ENDOD1: variants seen among roughly 807,000 people sequenced by gnomAD.
ENDOD1 encodes endonuclease domain-containing 1 protein.
A neutral mutation model predicts 6.5 loss-of-function variants in ENDOD1; 9 were observed. The observed-to-expected ratio is 1.39, with a 90% CI of 0.84 to 2.43. The LOEUF is 2.43. Among genes scored for constraint, ENDOD1 ranks in the 30% most tolerant of loss-of-function variants. The pLI is 0.00. For missense variants in ENDOD1, 648 were observed against 635.5 expected (o/e 1.02, Z -0.21); for synonymous variants, 255 against 255.2 (o/e 1.00, Z 0.01).
At position 95,130,379 on chromosome 11, in the gene ENDOD1, G is replaced by C. The variant is rs993220076; in HGVS notation, c.*800G>C. 1 of 151,662 alleles carries C rather than the reference G, an allele frequency of 6.6e-6. No homozygotes were observed. The highest frequency in any genetic ancestry group is 6.6e-5 in the Admixed American group (1 of 15,206). 9.4% of individuals were successfully genotyped at this position (151,662 alleles called of 1,614,324 possible). A position where few individuals can be genotyped will look rare whatever the true frequency, so the allele number is the denominator to read the frequency against. On this transcript the variant is annotated 3_prime_UTR_variant, in exon 2 of 2. Transcript: ENST00000278505. ...ATACAGTCCTCTCCGGTGGAAAGAAGAGAAGAGAAGGTGGACAGCCCTGCT... is the reference window on the plus strand; with the variant it reads ...ATACAGTCCTCTCCGGTGGAAAGAACAGAAGAGAAGGTGGACAGCCCTGCT...
At chr11:95,107,677 TTGAGACGGAGTC>T (rs1859103200) in intron 1 of ENDOD1, among the ~76,000 whole-genome samples, 2 of 152,104 alleles carry the variant, frequency 1.3e-5, no homozygotes. Flanking sequence ...TTTTGTTTGT[TTGAGACGGAGTC>T]TTGCTCTGTC....
chr11:95,128,593 C>T lies in ENDOD1; in HGVS notation c.517C>T (p.Arg173Trp), dbSNP rs200694967. The change falls in exon 2 of 2, where the codon CGG (arginine) becomes TGG (tryptophan). Residue 173 changes from arginine to tryptophan, a missense_variant. Arg to Trp is a moderately radical substitution (Grantham distance 101). Coordinates refer to ENST00000278505, the MANE Select transcript of ENDOD1 (RefSeq NM_015036.3). ...SAPMTQSFQE[R>W]WYVNLHSLMD... ...CCCAATGACTCAGTCCTTCCAGGAA[C>T]GGTGGTATGTGAATCTCCACAGCCT... 122 of 1,614,102 alleles carry T rather than the reference C, an allele frequency of 7.6e-5. No homozygotes were observed. The highest frequency in any genetic ancestry group is 2.3e-4 in the Admixed American group (14 of 60,006).
At chr11:95,127,767 T>G (rs1373522899) in intron 1 of ENDOD1, among the ~76,000 whole-genome samples, 1 of 104,494 alleles carries the variant, frequency 9.6e-6, no homozygotes, top group African/African-American at 4.3e-5. Flanking sequence ...ACAACAGATT[T>G]TTTTTTTTTT....
At chr11:95,111,938 C>G (rs78462798) in intron 1 of ENDOD1, among the ~76,000 whole-genome samples, 2,314 of 152,310 alleles carry the variant, frequency 0.015, 46 homozygotes, top group South Asian at 0.062. Context: ...TCTCTCAAGG[C>G]CGAGGTCCTC....
At chr11:95,124,889 C>T (rs1028192718) in intron 1 of ENDOD1, among the ~76,000 whole-genome samples, 1 of 152,154 alleles carries the variant, frequency 6.6e-6, no homozygotes, top group Admixed American at 6.5e-5. Flanking sequence ...CCCCACAGTC[C>T]TTTATAAGTC....
chr11:95,104,504 C>T (rs782038840), intron 1 of ENDOD1, among the ~76,000 whole-genome samples: 76 of 151,758 alleles, frequency 5.0e-4, no homozygotes, highest in Non-Finnish European at 1.0e-3. Flanking sequence ...TTCATTTGTT[C>T]CCCAGTTTTA....
chr11:95,096,976 A>T (rs1375875004), intron 1 of ENDOD1, among the ~76,000 whole-genome samples: 1 of 152,220 alleles, frequency 6.6e-6, no homozygotes, highest in African/African-American at 2.4e-5. Flanking sequence ...CAGCCTGGGC[A>T]ACATGGCAAA....
chr11:95,110,787 G>A (rs985632697), intron 1 of ENDOD1, among the ~76,000 whole-genome samples: 24 of 152,122 alleles, frequency 1.6e-4, no homozygotes, highest in Admixed American at 1.6e-3. Flanking sequence ...ATTGTCCCAT[G>A]GTGTAGTCCC....
rs371092198 is a variant in ENDOD1 at position 95,100,756 on chromosome 11, CA to C, written c.300+10532del. Among the ~76,000 whole-genome samples, 957 of 151,492 alleles carry C rather than the reference CA, an allele frequency of 6.3e-3. 14 individuals carry two copies. The highest frequency in any genetic ancestry group is 0.022 in the African/African-American group (900 of 41,308). The stretch of plus-strand genomic sequence containing the variant: ...AAGTGATCCTCCTGTATCGGCCTTC[CA>C]AAGTGCTGGATTACAGGTGTGAGCC... On this transcript the variant is annotated intron_variant, in intron 1 of 1. Transcript: ENST00000278505.
intron 1 of ENDOD1, among the ~76,000 whole-genome samples, chr11:95,111,922 T>C (rs1477586224): frequency 6.6e-6 from 1 of 152,192 alleles, no homozygotes; most frequent in Non-Finnish European, 1.5e-5. Flanking sequence ...CCTTGTAACC[T>C]GCTTATCTCT....
At chr11:95,119,302 T>A (rs1362467834) in intron 1 of ENDOD1, among the ~76,000 whole-genome samples, 2 of 152,210 alleles carry the variant, frequency 1.3e-5, no homozygotes, top group Non-Finnish European at 2.9e-5. Context: ...CTTCTACCCA[T>A]CCTTCTTGGA....
intron 1 of ENDOD1, among the ~76,000 whole-genome samples, chr11:95,096,102 T>C (rs190012517): frequency 3.9e-5 from 6 of 152,264 alleles, no homozygotes; most frequent in South Asian, 4.1e-4. Flanking sequence ...GGCATAAAAT[T>C]TCTCTTCCTT....
intron 1 of ENDOD1, among the ~76,000 whole-genome samples, chr11:95,109,795 T>A (rs1450252434): frequency 6.6e-6 from 1 of 152,262 alleles, no homozygotes; most frequent in Non-Finnish European, 1.5e-5. Flanking sequence ...TCTTGCTCTT[T>A]ACCTGCACCT....
At chr11:95,103,801 C>T (rs1555111163) in intron 1 of ENDOD1, among the ~76,000 whole-genome samples, 1 of 152,190 alleles carries the variant, frequency 6.6e-6, no homozygotes, top group African/African-American at 2.4e-5. Context: ...TTCAGGGAGA[C>T]AATGTGTGCA....
At chr11:95,122,617 C>CACACAT (rs1555112963) in intron 1 of ENDOD1, among the ~76,000 whole-genome samples, 1 of 150,672 alleles carries the variant, frequency 6.6e-6, no homozygotes, top group Non-Finnish European at 1.5e-5. Flanking sequence ...CACACACACA[C>CACACAT]ACACACAGAC....
chr11:95,113,766 G>A (rs1859173499), intron 1 of ENDOD1, among the ~76,000 whole-genome samples: 1 of 152,202 alleles, frequency 6.6e-6, no homozygotes, highest in Admixed American at 6.5e-5. Flanking sequence ...TATATACTCA[G>A]AAGTGGAATT....
Position 95,108,494 on chromosome 11 carries a change from A to AACACACACACACACACACACACAC in ENDOD1, c.300+18277_300+18300dup, listed in dbSNP as rs34439162. Among the ~76,000 whole-genome samples the AACACACACACACACACACACACAC allele has an allele frequency of 1.1e-3, 165 of 146,504 alleles. 1 individual carries two copies. The highest frequency in any genetic ancestry group is 3.8e-3 in the African/African-American group (150 of 39,202). The stretch of plus-strand genomic sequence containing the variant: ...AAAAGCTCTGCATTTCTCTTTTCTA[A>AACACACACACACACACACACACAC]ACACACACACACACACACACACACA... On this transcript the variant is annotated intron_variant, in intron 1 of 1. Transcript: ENST00000278505.
chr11:95,127,276 G>C (rs1024129267), intron 1 of ENDOD1, among the ~76,000 whole-genome samples: 1 of 152,052 alleles, frequency 6.6e-6, no homozygotes, highest in Non-Finnish European at 1.5e-5. Flanking sequence ...TGTCCTTTCA[G>C]ATAAGATGAA....
At chr11:95,126,791 C>A (rs1859316215) in intron 1 of ENDOD1, among the ~76,000 whole-genome samples, 1 of 152,152 alleles carries the variant, frequency 6.6e-6, no homozygotes, top group Non-Finnish European at 1.5e-5. Flanking sequence ...AGCGATTCTG[C>A]CACCTTAGCC....
Sources: gnomAD v4.1 joint callset for allele counts (sites outside exome capture counted in the v4.1 genomes callset) on GRCh38, gnomAD v4.1.1 for gene constraint, MANE v1.5 for transcripts, NCBI Gene and HGNC (gene_info 2026-07-23, HGNC 2026-07-21) for gene names.